TGFA: variants seen among roughly 807,000 people sequenced by gnomAD.
The protein encoded by TGFA is protransforming growth factor alpha.
A neutral mutation model predicts 21.7 loss-of-function variants in TGFA; 12 were observed. The observed-to-expected ratio is 0.55, with a 90% CI of 0.35 to 0.90. The LOEUF is 0.90. Among genes scored for constraint, TGFA ranks in the 40% least tolerant of loss-of-function variants. TGFA has a pLI of 0.01. For synonymous variants in TGFA, 79 were observed against 88.1 expected, an observed-to-expected ratio of 0.90 and a Z score of 0.58; for missense variants, 178 against 210.8, an observed-to-expected ratio of 0.84 and a Z score of 0.96.
At chr2:70,518,824 G>A (rs1385069507) in intron 1 of TGFA, among the ~76,000 whole-genome samples, 1 of 152,226 alleles carries the variant, frequency 6.6e-6, no homozygotes, top group East Asian at 1.9e-4. Flanking sequence ...ACCATGTCCT[G>A]CTCTGGCCTC....
At chr2:70,520,621 C>T (rs1401437966) in intron 1 of TGFA, among the ~76,000 whole-genome samples, 2 of 152,132 alleles carry the variant, frequency 1.3e-5, no homozygotes, top group African/African-American at 4.8e-5. Context: ...AGACCTTTGA[C>T]TTTCCCTTAA....
chr2:70,521,582 C>CTACTATTGA (rs1672460811), intron 1 of TGFA, among the ~76,000 whole-genome samples: 1 of 143,860 alleles, frequency 7.0e-6, no homozygotes, highest in African/African-American at 2.6e-5. Context: ...ATGGTAGCTG[C>CTACTATTGA]TACTATTGAT....
At chr2:70,521,042 C>T (rs79562014) in intron 1 of TGFA, among the ~76,000 whole-genome samples, 1,593 of 152,134 alleles carry the variant, frequency 0.01, 26 homozygotes, top group African/African-American at 0.037. Flanking sequence ...CAGGCCCTAT[C>T]ATCTCTCCCT....
At chr2:70,457,567 A>C (rs1445378119) in intron 3 of TGFA, among the ~76,000 whole-genome samples, 1 of 141,792 alleles carries the variant, frequency 7.1e-6, no homozygotes, top group Non-Finnish European at 1.5e-5. Context: ...TTTGAGATGG[A>C]GTCTCACTCT....
At chr2:70,464,110 GC>G (rs1490464213) in intron 3 of TGFA, among the ~76,000 whole-genome samples, 2 of 152,212 alleles carry the variant, frequency 1.3e-5, no homozygotes, top group Non-Finnish European at 2.9e-5. Flanking sequence ...ACAGAGGAAA[GC>G]CCTGACCACA....
chr2:70,538,215 C>A (rs891082589), intron 1 of TGFA, among the ~76,000 whole-genome samples: 2 of 152,198 alleles, frequency 1.3e-5, no homozygotes, highest in Non-Finnish European at 2.9e-5. Context: ...TATTCATTGA[C>A]AATGCACCTG....
intron 2 of TGFA, among the ~76,000 whole-genome samples, chr2:70,477,355 C>T (rs997022450): frequency 5.9e-5 from 9 of 152,212 alleles, no homozygotes; most frequent in Admixed American, 3.9e-4. Flanking sequence ...CCATAAACAA[C>T]AAAATCCCAA....
intron 2 of TGFA, among the ~76,000 whole-genome samples, chr2:70,504,037 A>G (rs1456141833): frequency 3.9e-5 from 6 of 152,206 alleles, no homozygotes; most frequent in Admixed American, 2.6e-4. Flanking sequence ...AGGTTTGTGC[A>G]AAAACATTTA....
At chr2:70,454,491 G>C (rs1553490169) in intron 4 of TGFA, among the ~76,000 whole-genome samples, 1 of 152,218 alleles carries the variant, frequency 6.6e-6, no homozygotes, top group African/African-American at 2.4e-5. Flanking sequence ...TCCCATGCCA[G>C]GGGGCTCTAA....
chr2:70,462,773 G>A (rs1670441563), intron 3 of TGFA, among the ~76,000 whole-genome samples: 1 of 152,160 alleles, frequency 6.6e-6, no homozygotes, highest in Non-Finnish European at 1.5e-5. Flanking sequence ...TCAAGATCCA[G>A]GGGGGAAACT....
chr2:70,490,440 C>T (rs1004635896), intron 2 of TGFA, among the ~76,000 whole-genome samples: 7 of 152,184 alleles, frequency 4.6e-5, no homozygotes, highest in Non-Finnish European at 7.4e-5. Flanking sequence ...CACAATTTTC[C>T]TTTAGCACTG....
intron 2 of TGFA, 56 bp downstream of exon 2, chr2:70,514,803 A>G: frequency 1.9e-6 from 3 of 1,585,098 alleles, no homozygotes; most frequent in Non-Finnish European, 2.6e-6. Flanking sequence ...GCCACACAGC[A>G]GCAGGCCCGC....
intron 2 of TGFA, among the ~76,000 whole-genome samples, chr2:70,471,408 C>T (rs1670745617): frequency 6.6e-6 from 1 of 151,746 alleles, no homozygotes; most frequent in Non-Finnish European, 1.5e-5. Flanking sequence ...TTAGGATGAG[C>T]CAGCTCCAGG....
intron 1 of TGFA, among the ~76,000 whole-genome samples, chr2:70,538,803 G>A (rs1464637328): frequency 6.6e-6 from 1 of 152,188 alleles, no homozygotes; most frequent in Non-Finnish European, 1.5e-5. Context: ...AACTTAGTTG[G>A]TAAGGCAGTG....
At chr2:70,467,276 C>CT (rs1670596138) in intron 2 of TGFA, 1 of 152,158 alleles carries the variant, frequency 6.6e-6, no homozygotes, top group Non-Finnish European at 1.5e-5. Context: ...TTGGGAAATT[C>CT]TTTTCTCTTT....
intron 1 of TGFA, among the ~76,000 whole-genome samples, chr2:70,541,008 AAAC>A (rs2103932234): frequency 6.6e-6 from 1 of 152,360 alleles, no homozygotes; most frequent in Non-Finnish European, 1.5e-5. Flanking sequence ...ATTCACACAT[AAAC>A]AATAGAAGTA....
chr2:70,534,798 G>A lies in TGFA; in HGVS notation c.40+18930C>T, dbSNP rs146078189. Among the ~76,000 whole-genome samples, 200 of 152,288 alleles carry A rather than the reference G, an allele frequency of 1.3e-3. 2 individuals are homozygous for A. Among genetic ancestry groups the A allele is most frequent in the African/African-American group, 4.7e-3 (194 of 41,556 alleles). On this transcript the variant is annotated intron_variant, in intron 1 of 5. Transcript: ENST00000295400. The stretch of plus-strand genomic sequence containing the variant: ...CTCTCATCATGGTAAATATGTCGGA[G>A]AGTGGCTGTCTGAAAGTCTGGCTGC...
intron 2 of TGFA, among the ~76,000 whole-genome samples, chr2:70,473,164 C>T (rs1559107370): frequency 6.6e-6 from 1 of 152,174 alleles, no homozygotes; most frequent in Non-Finnish European, 1.5e-5. Context: ...AGGCTGGCTT[C>T]AGGGCAGCAG....
chr2:70,500,782 A>G (rs1204291389), intron 2 of TGFA, among the ~76,000 whole-genome samples: 5 of 152,344 alleles, frequency 3.3e-5, no homozygotes, highest in African/African-American at 1.2e-4. Flanking sequence ...TTCTTTATAC[A>G]GGAACTCCTT....
Sources: allele counts gnomAD v4.1 joint callset (sites outside exome capture counted in the v4.1 genomes callset), GRCh38; gene constraint gnomAD v4.1.1; transcripts MANE v1.5; gene names NCBI Gene and HGNC (gene_info 2026-07-23, HGNC 2026-07-21).